Variants in KCTD20 observed in about 807,000 individuals in gnomAD.
The protein encoded by KCTD20 is BTB/POZ domain-containing protein KCTD20.
KCTD20 carries 30 observed loss-of-function variants against 39.6 expected under a neutral mutation model. The observed-to-expected ratio is 0.76, with a 90% CI of 0.57 to 1.03. The LOEUF (loss-of-function observed/expected upper bound fraction) is 1.03, where lower values mean the gene tolerates loss of function less well. Among genes scored for constraint, KCTD20 ranks in the 50% least tolerant of loss-of-function variants. KCTD20 has a pLI of 0.00. For missense variants in KCTD20, 422 were observed against 522.0 expected (o/e 0.81, Z 1.87); for synonymous variants, 162 against 180.6 (o/e 0.90, Z 0.83).
In KCTD20 at chr6:36,489,414, A is replaced by G. The variant is rs1423593308; in HGVS notation, c.*2239A>G. On this transcript the variant is annotated 3_prime_UTR_variant, in exon 8 of 8. Transcript: ENST00000373731. ...TTAGGTTAACATGCATTTGACCCCAACCTGTGGGGTTTGAGTAAGCTGGAA... is the reference window on the plus strand; with the variant it reads ...TTAGGTTAACATGCATTTGACCCCAGCCTGTGGGGTTTGAGTAAGCTGGAA... 5.3e-5 allele frequency: 8 copies of G among 152,266 alleles called. No homozygotes were observed. The highest frequency in any genetic ancestry group is 3.4e-3 in the Middle Eastern group (1 of 294). 9.4% of individuals were successfully genotyped at this position (152,266 alleles called of 1,614,324 possible).
At chr6:36,477,977 C>T (rs1776120035) in intron 3 of KCTD20, among the ~76,000 whole-genome samples, 1 of 151,198 alleles carries the variant, frequency 6.6e-6, no homozygotes. Flanking sequence ...CGCCTGTAGT[C>T]CCAACTGCTG....
At chr6:36,465,357 C>T (rs191850106) in intron 1 of KCTD20, among the ~76,000 whole-genome samples, 2 of 148,660 alleles carry the variant, frequency 1.3e-5, no homozygotes, top group Non-Finnish European at 3.0e-5. Context: ...AATATTATTG[C>T]CCCCATGCCA....
chr6:36,487,358 G>A lies in KCTD20; in HGVS notation c.*183G>A. On this transcript the variant is annotated 3_prime_UTR_variant, in exon 8 of 8. Coordinates refer to ENST00000373731, the MANE Select transcript of KCTD20 (RefSeq NM_173562.5). ...CATGCCTCTGGCAGGGGATGAAGAA[G>A]TACTCACTGGTAATTAGCTACCATC... 1.6e-6 allele frequency: 1 copy of A among 614,998 alleles called. No homozygotes were observed. The highest frequency in any genetic ancestry group is 2.4e-5 in the South Asian group (1 of 42,474). 38.1% of individuals were successfully genotyped at this position (614,998 alleles called of 1,614,324 possible).
chr6:36,472,539 C>CTT lies in KCTD20; in HGVS notation c.161-2240_161-2239dup, dbSNP rs68066245. Among the ~76,000 whole-genome samples the CTT allele has an allele frequency of 1.5e-3, 216 of 148,260 alleles. 1 individual carries two copies. The highest frequency in any genetic ancestry group is 4.5e-3 in the African/African-American group (181 of 40,640). On this transcript the variant is annotated intron_variant, in intron 2 of 7. Coordinates refer to ENST00000373731, the MANE Select transcript of KCTD20 (RefSeq NM_173562.5). ...GGGAGTAATTCAGTTGTATTGATAACTTTTTTTTTTTCAAAAAGGGCTTGA... is the reference window on the plus strand; with the variant it reads ...GGGAGTAATTCAGTTGTATTGATAACTTTTTTTTTTTTTCAAAAAGGGCTTGA...
In KCTD20 at chr6:36,488,987, A is replaced by G. The variant is rs897914163; in HGVS notation, c.*1812A>G. ...AGGGTTAGGATTATTTGTAGCTAGA[A>G]GGTAATTTTATTTCTGTGAAACTAA... On this transcript the variant is annotated 3_prime_UTR_variant, in exon 8 of 8. Coordinates refer to ENST00000373731, the MANE Select transcript of KCTD20 (RefSeq NM_173562.5). The G allele has an allele frequency of 2.6e-5, 4 of 152,672 alleles. No individual in the cohort carries two copies. The highest frequency in any genetic ancestry group is 9.6e-5 in the African/African-American group (4 of 41,464). The allele number at this position is 152,672 out of a possible 1,614,324, so 9.5% of individuals were successfully genotyped here. A position where few individuals can be genotyped will look rare whatever the true frequency, so the allele number is the denominator to read the frequency against.
intron 1 of KCTD20, among the ~76,000 whole-genome samples, chr6:36,466,556 A>AT: frequency 6.6e-6 from 1 of 151,030 alleles, no homozygotes; most frequent in African/African-American, 2.4e-5. Context: ...TAATTTTTAA[A>AT]TTTTTTTTAG....
Position 36,474,788 on chromosome 6 carries a change from G to T in KCTD20, c.161-1G>T. 6.3e-7 allele frequency: 1 copy of T among 1,594,490 alleles called. No individual in the cohort carries two copies. Among genetic ancestry groups the T allele is most frequent in the South Asian group, 1.1e-5 (1 of 88,730 alleles). Reference sequence around the variant, plus strand: ...TTTGGTTTCTTTGTATGTTCTTTTAGACCTCTCACTTGACTATGCCTCTCA... The same window carrying T: ...TTTGGTTTCTTTGTATGTTCTTTTATACCTCTCACTTGACTATGCCTCTCA... On this transcript the variant is annotated splice_acceptor_variant, in intron 2 of 7. Transcript: ENST00000373731. LOFTEE classifies it high-confidence loss of function.
At chr6:36,460,659 G>A (rs1775575978) in intron 1 of KCTD20, among the ~76,000 whole-genome samples, 1 of 152,136 alleles carries the variant, frequency 6.6e-6, no homozygotes, top group Admixed American at 6.5e-5. Context: ...CCATCTGGAG[G>A]TATTTGATTT....
chr6:36,481,459 T>TGAA (rs1582369333), intron 5 of KCTD20, 103 bp from the exon 6 acceptor site: 1 of 849,232 alleles, frequency 1.2e-6, no homozygotes, highest in East Asian at 2.4e-5. Context: ...GCCACTTCTC[T>TGAA]GAACCTCATC....
intron 1 of KCTD20, among the ~76,000 whole-genome samples, chr6:36,445,685 T>C (rs1326408633): frequency 6.6e-6 from 1 of 152,178 alleles, no homozygotes; most frequent in Admixed American, 6.5e-5. Flanking sequence ...AATGCAATCC[T>C]CTCAGATAAA....
intron 1 of KCTD20, chr6:36,451,230 CATTCCAATG>C (rs940387304): frequency 3.3e-5 from 5 of 152,132 alleles, no homozygotes; most frequent in African/African-American, 1.2e-4. Context: ...TTTAAGAAAC[CATTCCAATG>C]ATTCCAATGT....
At chr6:36,448,005 A>ATGTGTGTGTG (rs771457738) in intron 1 of KCTD20, among the ~76,000 whole-genome samples, 1 of 130,294 alleles carries the variant, frequency 7.7e-6, no homozygotes, top group African/African-American at 3.2e-5. Context: ...ATATATGTGT[A>ATGTGTGTGTG]TGTGTGTGTG....
At chr6:36,458,374 A>C (rs1775499556) in intron 1 of KCTD20, among the ~76,000 whole-genome samples, 1 of 151,786 alleles carries the variant, frequency 6.6e-6, no homozygotes, top group African/African-American at 2.4e-5. Flanking sequence ...CCCCGTCTCT[A>C]CTAAAAATAC....
chr6:36,457,864 G>GT (rs1478531609), intron 1 of KCTD20, among the ~76,000 whole-genome samples: 2 of 152,280 alleles, frequency 1.3e-5, no homozygotes, highest in East Asian at 3.8e-4. Context: ...CACAGTGGGT[G>GT]TAATAGATTA....
chr6:36,476,767 A>AT (rs1776077585), intron 3 of KCTD20, among the ~76,000 whole-genome samples: 1 of 152,322 alleles, frequency 6.6e-6, no homozygotes, highest in South Asian at 2.1e-4. Flanking sequence ...ACCTGTCTAC[A>AT]TATTTCTTAA....
chr6:36,478,982 T>C, intron 3 of KCTD20, 139 bp from the exon 4 acceptor site: 2 of 594,800 alleles, frequency 3.4e-6, no homozygotes, highest in South Asian at 2.1e-5. Context: ...TTGTAGGCAT[T>C]GGGTTCCAGT....
chr6:36,449,948 A>G (rs1302466588), intron 1 of KCTD20, among the ~76,000 whole-genome samples: 1 of 151,724 alleles, frequency 6.6e-6, no homozygotes, highest in Non-Finnish European at 1.5e-5. Flanking sequence ...GCGGATCACA[A>G]GGTCAGGAGA....
chr6:36,467,908 G>A (rs1190334328), intron 1 of KCTD20, among the ~76,000 whole-genome samples: 2 of 152,096 alleles, frequency 1.3e-5, no homozygotes, highest in African/African-American at 4.8e-5. Flanking sequence ...ATGAGAATGA[G>A]GCATATAGTA....
rs552595306 is a variant in KCTD20 at position 36,484,946 on chromosome 6, T to G, written c.967+122T>G. The stretch of plus-strand genomic sequence containing the variant: ...GCATACATGAAAACCACATTCTTAC[T>G]CAAGTTTGAATGTTCCTGTTTTTTC... On this transcript the variant is annotated intron_variant, in intron 7 of 7. Transcript: ENST00000373731. The G allele has an allele frequency of 2.1e-5, 13 of 617,856 alleles. No individual in the cohort carries two copies. In the South Asian group the frequency reaches 2.7e-4, roughly 13 times the overall value. 38.3% of individuals were successfully genotyped at this position (617,856 alleles called of 1,614,324 possible). A position where few individuals can be genotyped will look rare whatever the true frequency, so the allele number is the denominator to read the frequency against.
Sources: gnomAD v4.1 joint callset for allele counts (sites outside exome capture counted in the v4.1 genomes callset) on GRCh38, gnomAD v4.1.1 for gene constraint, MANE v1.5 for transcripts, NCBI Gene and HGNC (gene_info 2026-07-23, HGNC 2026-07-21) for gene names.